The following NCOA1 variants were observed in gnomAD, a reference collection of about 807,000 sequenced individuals.
The protein encoded by NCOA1 is nuclear receptor coactivator 1, also known as Hin-2 protein.
A neutral mutation model predicts 150.9 loss-of-function variants in NCOA1; 35 were observed. The observed-to-expected ratio is 0.23, with a 90% CI of 0.18 to 0.31. The LOEUF (loss-of-function observed/expected upper bound fraction) is 0.31. NCOA1 is among the 10% of genes least tolerant of loss of function. The pLI is 1.00. For missense variants in NCOA1, 1,491 were observed against 1,749.3 expected (o/e 0.85, Z 2.63); for synonymous variants, 590 against 630.0 (o/e 0.94, Z 0.95).
chr2:24,561,765 T>G (rs1464213649), intron 1 of NCOA1, among the ~76,000 whole-genome samples: 1 of 152,170 alleles, frequency 6.6e-6, no homozygotes, highest in East Asian at 1.9e-4. Flanking sequence ...TAAGATGTGT[T>G]TATTGTCAGA....
In NCOA1 at chr2:24,742,051, G is replaced by T; in HGVS notation, c.3571G>T (p.Ala1191Ser). ...PASTSPFSQLAANPEASLANR... is the reference protein window; with the variant it reads ...PASTSPFSQLSANPEASLANR... ...TTCTACCAGCCCGTTTTCACAACTA[G>T]CAGCAAATCCTGAAGCATCCTTGGC... Residue 1191 changes from alanine (A) to serine (S), a missense_variant, in exon 19 of 23, where the codon GCA (alanine) becomes TCA (serine). Physicochemically the swap from Ala to Ser is moderately conservative, Grantham distance 99. Transcript: ENST00000348332. The T allele has an allele frequency of 1.2e-6, 2 of 1,614,188 alleles. No individual in the cohort carries two copies. Among genetic ancestry groups the T allele is most frequent in the South Asian group, 2.2e-5 (2 of 91,074 alleles).
At chr2:24,553,495 G>A (rs1337031724) in intron 1 of NCOA1, among the ~76,000 whole-genome samples, 1 of 152,214 alleles carries the variant, frequency 6.6e-6, no homozygotes, top group African/African-American at 2.4e-5. Context: ...AGGGATTACA[G>A]GCGTGAGCCA....
At chr2:24,523,656 G>C (rs571720456) in intron 1 of NCOA1, among the ~76,000 whole-genome samples, 2 of 120,616 alleles carry the variant, frequency 1.7e-5, no homozygotes, top group Non-Finnish European at 3.5e-5. Flanking sequence ...GGCCAGCCAC[G>C]GTGGCTCACG....
intron 11 of NCOA1, 70 bp downstream of exon 11, chr2:24,697,868 A>G (rs1672971657): frequency 1.4e-6 from 2 of 1,415,346 alleles, no homozygotes; most frequent in South Asian, 2.7e-5. Context: ...TTCGTATAGA[A>G]CTTATGGCTT....
intron 1 of NCOA1, among the ~76,000 whole-genome samples, chr2:24,548,707 A>G (rs895299063): frequency 2.0e-5 from 3 of 152,202 alleles, no homozygotes; most frequent in African/African-American, 4.8e-5. Flanking sequence ...ACAGGTCCCA[A>G]CCAAGTCCAA....
chr2:24,637,896 A>C (rs1670011449), intron 3 of NCOA1, among the ~76,000 whole-genome samples: 1 of 151,302 alleles, frequency 6.6e-6, no homozygotes, highest in African/African-American at 2.4e-5. Context: ...GGGTTTCTCC[A>C]TGTTGGTCAG....
intron 8 of NCOA1, 81 bp from the exon 9 acceptor site, chr2:24,691,400 C>T: frequency 7.4e-7 from 1 of 1,347,192 alleles, no homozygotes; most frequent in Non-Finnish European, 1.0e-6. Context: ...AAGCAGATGG[C>T]TTAAAGTACA....
intron 7 of NCOA1, among the ~76,000 whole-genome samples, chr2:24,674,151 G>GTA (rs1553446026): frequency 0.014 from 2,078 of 145,180 alleles, 29 homozygotes; most frequent in South Asian, 0.02. Flanking sequence ...GTGTGTGTGT[G>GTA]TATATATTTC....
chr2:24,706,764 A>G lies in NCOA1; in HGVS notation c.1294A>G (p.Ser432Gly). 6.2e-7 allele frequency: 1 copy of G among 1,614,240 alleles called. No individual in the cohort carries two copies. Among genetic ancestry groups the G allele is most frequent in the Non-Finnish European group, 8.5e-7 (1 of 1,180,028 alleles). The part of the protein sequence containing the change: ...QSSDLHSSSH[S>G]NSSNSQGSFG... ...CTCAGACCTTCATAGCAGCAGTCAT[A>G]GTAATTCTAGCAACAGCCAAGGAAG... The change falls in exon 13 of 23, where the codon AGT (serine) becomes GGT (glycine). Residue 432 changes from serine (S) to glycine (G), a missense_variant. Physicochemically the swap from Ser to Gly is moderately conservative, Grantham distance 56. Around this residue, in one of 8 missense-constraint regions of NCOA1, gnomAD observed 703 missense variants for 717.7 expected, o/e 0.98. Transcript: ENST00000348332.
chr2:24,531,036 A>G (rs1054472805), intron 1 of NCOA1, among the ~76,000 whole-genome samples: 2 of 152,188 alleles, frequency 1.3e-5, no homozygotes, highest in African/African-American at 2.4e-5. Flanking sequence ...ATAGTGAATG[A>G]GGTACCACCC....
chr2:24,752,742 A>G (rs539351206), intron 20 of NCOA1, among the ~76,000 whole-genome samples: 1 of 152,364 alleles, frequency 6.6e-6, no homozygotes, highest in South Asian at 2.1e-4. Flanking sequence ...TAGTGGGCAC[A>G]CAAGTTTCAC....
At position 24,688,839 on chromosome 2, in the gene NCOA1, G is replaced by C. The variant is rs551400447; in HGVS notation, c.533-2642G>C. On this transcript the variant is annotated intron_variant, in intron 8 of 22. Transcript: ENST00000348332. ...TTTGCCCATTCCTATGTCCAGAGTG[G>C]TATTGCCTAAGTTGTCTTCCAAAGT... 1.1e-4 allele frequency among the ~76,000 whole-genome samples: 17 copies of C among 152,236 alleles called. No individual in the cohort carries two copies. In the South Asian group the frequency reaches 3.3e-3, roughly 30 times the overall value.
At chr2:24,713,395 G>C (rs990887503) in intron 14 of NCOA1, among the ~76,000 whole-genome samples, 7 of 151,934 alleles carry the variant, frequency 4.6e-5, no homozygotes, top group Admixed American at 2.6e-4. Flanking sequence ...GAAAAAAAAA[G>C]TACTTGTACC....
intron 1 of NCOA1, among the ~76,000 whole-genome samples, chr2:24,524,436 G>T (rs1171569074): frequency 6.0e-5 from 9 of 149,644 alleles, no homozygotes; most frequent in Non-Finnish European, 4.5e-5. Context: ...TGGGACTACA[G>T]ATGTGTACCA....
intron 19 of NCOA1, among the ~76,000 whole-genome samples, chr2:24,748,074 C>A (rs1428666904): frequency 6.6e-6 from 1 of 151,532 alleles, no homozygotes. Flanking sequence ...CCATTGCACT[C>A]CAGCCTGGGC....
chr2:24,731,888 G>A (rs981593143), intron 17 of NCOA1, among the ~76,000 whole-genome samples: 12 of 152,300 alleles, frequency 7.9e-5, no homozygotes, highest in African/African-American at 2.6e-4. Flanking sequence ...GCAACTGCTT[G>A]GCTTTTTGAC....
At chr2:24,558,618 T>C (rs1666175034) in intron 1 of NCOA1, among the ~76,000 whole-genome samples, 1 of 152,140 alleles carries the variant, frequency 6.6e-6, no homozygotes, top group South Asian at 2.1e-4. Flanking sequence ...GGAGATACAA[T>C]TCAAGTTGAG....
chr2:24,635,754 A>G (rs1308470632), intron 3 of NCOA1, among the ~76,000 whole-genome samples: 1 of 152,210 alleles, frequency 6.6e-6, no homozygotes, highest in Non-Finnish European at 1.5e-5. Context: ...GACATATACA[A>G]TGAGAACAAT....
chr2:24,724,365 CTG>C (rs1036594906), intron 14 of NCOA1, among the ~76,000 whole-genome samples: 20 of 152,116 alleles, frequency 1.3e-4, no homozygotes, highest in Admixed American at 1.2e-3. Flanking sequence ...GAGAGAGAGC[CTG>C]TGTATTTCCT....
Sources: allele counts gnomAD v4.1 joint callset (sites outside exome capture counted in the v4.1 genomes callset), GRCh38; gene constraint gnomAD v4.1.1; regional missense constraint gnomAD v4.1.1; transcripts MANE v1.5; gene names NCBI Gene and HGNC (gene_info 2026-07-23, HGNC 2026-07-21).